The following CCSER1 variants were observed in gnomAD, a reference collection of about 807,000 sequenced individuals.
CCSER1 encodes the protein serine-rich coiled-coil domain-containing protein 1.
CCSER1 carries 41 observed loss-of-function variants against 82.0 expected under a neutral mutation model. That is an observed-to-expected ratio of 0.50 (90% CI 0.39 to 0.65). The LOEUF is 0.65. CCSER1 is among the 30% of genes least tolerant of loss of function. CCSER1 has a pLI of 0.00. For synonymous variants in CCSER1, 414 were observed against 383.9 expected (o/e 1.08, Z -0.92); for missense variants, 1,119 against 1,064.2 (o/e 1.05, Z -0.72).
chr4:90,688,786 T>C (rs1400433036), intron 6 of CCSER1, among the ~76,000 whole-genome samples: 2 of 152,148 alleles, frequency 1.3e-5, no homozygotes, highest in African/African-American at 4.8e-5. Flanking sequence ...ATACCTACTT[T>C]GTACAAGAAA....
At chr4:90,286,596 T>A (rs1342590185) in intron 1 of CCSER1, among the ~76,000 whole-genome samples, 3 of 152,046 alleles carry the variant, frequency 2.0e-5, no homozygotes, top group African/African-American at 7.2e-5. Context: ...CAAAGTGAAA[T>A]TTTGAAGCTT....
chr4:90,869,279 C>G (rs1766128003), intron 8 of CCSER1, among the ~76,000 whole-genome samples: 1 of 151,962 alleles, frequency 6.6e-6, no homozygotes, highest in Non-Finnish European at 1.5e-5. Flanking sequence ...TTTACCCAGA[C>G]CAAAGTCCTA....
intron 5 of CCSER1, among the ~76,000 whole-genome samples, chr4:90,508,862 T>C (rs1286940350): frequency 6.6e-6 from 1 of 152,068 alleles, no homozygotes; most frequent in Non-Finnish European, 1.5e-5. Flanking sequence ...TAAAGGTTGA[T>C]TGTCTTATCT....
At chr4:90,760,256 A>G (rs1478381443) in intron 7 of CCSER1, among the ~76,000 whole-genome samples, 2 of 152,006 alleles carry the variant, frequency 1.3e-5, no homozygotes, top group Non-Finnish European at 2.9e-5. Context: ...TATTATATGA[A>G]TGCTGACTGT....
chr4:91,040,124 C>G (rs971753781), intron 9 of CCSER1, among the ~76,000 whole-genome samples: 2 of 152,126 alleles, frequency 1.3e-5, no homozygotes, highest in Non-Finnish European at 2.9e-5. Flanking sequence ...ATACTACTTT[C>G]TCATGGTCAT....
intron 9 of CCSER1, among the ~76,000 whole-genome samples, chr4:91,043,590 T>C (rs1420335260): frequency 1.4e-5 from 2 of 143,814 alleles, no homozygotes; most frequent in Non-Finnish European, 3.0e-5. Context: ...CTTCTTTTTT[T>C]TTTTTTTTTT....
chr4:91,291,441 T>C, intron 10 of CCSER1, among the ~76,000 whole-genome samples: 1 of 152,014 alleles, frequency 6.6e-6, no homozygotes, highest in Admixed American at 6.6e-5. Flanking sequence ...AGAGGTTTAA[T>C]TGGCTCATGG....
intron 5 of CCSER1, among the ~76,000 whole-genome samples, chr4:90,481,131 A>T (rs996795595): frequency 6.6e-6 from 1 of 152,064 alleles, no homozygotes; most frequent in South Asian, 2.1e-4. Flanking sequence ...TTTTATTCTC[A>T]TTGAAGCAAT....
intron 1 of CCSER1, among the ~76,000 whole-genome samples, chr4:90,135,085 TA>T (rs747613003): frequency 6.6e-5 from 10 of 152,212 alleles, no homozygotes; most frequent in Non-Finnish European, 1.3e-4. Context: ...GAATGAACTC[TA>T]ACTTGAGCCT....
intron 6 of CCSER1, among the ~76,000 whole-genome samples, chr4:90,665,390 C>T (rs34001659): frequency 0.11 from 16,341 of 150,730 alleles, 1,209 homozygotes; most frequent in East Asian, 0.29. Context: ...GGCGTGATCT[C>T]GGCTCACTGC....
intron 6 of CCSER1, among the ~76,000 whole-genome samples, chr4:90,693,847 A>G (rs1277354970): frequency 2.0e-5 from 3 of 151,734 alleles, no homozygotes; most frequent in Non-Finnish European, 4.4e-5. Context: ...CATATTTTGC[A>G]CAATGCTATG....
intron 8 of CCSER1, among the ~76,000 whole-genome samples, chr4:90,894,759 T>C (rs1360982441): frequency 6.6e-6 from 1 of 152,028 alleles, no homozygotes; most frequent in Non-Finnish European, 1.5e-5. Context: ...CCAATGATGG[T>C]TCTACTCATC....
intron 10 of CCSER1, among the ~76,000 whole-genome samples, chr4:91,516,055 T>C (rs934762705): frequency 3.3e-5 from 5 of 152,102 alleles, no homozygotes; most frequent in Admixed American, 2.6e-4. Context: ...TTAATGGGGT[T>C]GTATGTTTTT....
At position 91,054,650 on chromosome 4, in the gene CCSER1, T is replaced by C. The variant is rs1341632191; in HGVS notation, c.2173-31300T>C. Among the ~76,000 whole-genome samples the C allele has an allele frequency of 2.0e-5, 3 of 151,776 alleles. No homozygotes were observed. In the East Asian group the frequency reaches 5.9e-4, roughly 30 times the overall value. On this transcript the variant is annotated intron_variant, in intron 9 of 10. Transcript: ENST00000509176. ...GTCTCTTTTGGATGGCATGTGTAGG[T>C]TGGATATTCCATATCCAAAATGCTT...
chr4:91,141,681 T>G (rs986784994), intron 10 of CCSER1, among the ~76,000 whole-genome samples: 2 of 152,144 alleles, frequency 1.3e-5, no homozygotes, highest in African/African-American at 4.8e-5. Flanking sequence ...TAGTTCTATT[T>G]TTAGTTCTTT....
intron 5 of CCSER1, among the ~76,000 whole-genome samples, chr4:90,615,822 G>T (rs964465759): frequency 6.6e-6 from 1 of 152,116 alleles, no homozygotes; most frequent in Non-Finnish European, 1.5e-5. Flanking sequence ...TACGAAGTTT[G>T]AAAGAAGTTT....
At chr4:91,077,614 C>A (rs559088437) in intron 9 of CCSER1, among the ~76,000 whole-genome samples, 2 of 152,256 alleles carry the variant, frequency 1.3e-5, no homozygotes, top group South Asian at 4.1e-4. Context: ...GCTTGCCAGA[C>A]AAATGGGTGC....
chr4:90,888,950 A>C (rs560531353), intron 8 of CCSER1, among the ~76,000 whole-genome samples: 1 of 152,330 alleles, frequency 6.6e-6, no homozygotes, highest in African/African-American at 2.4e-5. Context: ...TATCAGAAAT[A>C]TTTCTAAAAG....
chr4:91,454,062 A>G (rs962887183), intron 10 of CCSER1, among the ~76,000 whole-genome samples: 1 of 152,118 alleles, frequency 6.6e-6, no homozygotes, highest in African/African-American at 2.4e-5. Context: ...TTTCATATAC[A>G]TGGTTTAACG....
Sources: allele counts gnomAD v4.1 joint callset (sites outside exome capture counted in the v4.1 genomes callset), GRCh38; gene constraint gnomAD v4.1.1; transcripts MANE v1.5; gene names NCBI Gene and HGNC (gene_info 2026-07-23, HGNC 2026-07-21).